UBASH3A: variants seen among roughly 807,000 people sequenced by gnomAD.
UBASH3A encodes the protein ubiquitin associated and SH3 domain containing A.
UBASH3A carries 63 observed loss-of-function variants against 73.5 expected under a neutral mutation model. The ratio of observed to expected loss-of-function variants is 0.86; its 90% confidence interval spans 0.70 to 1.06. UBASH3A has a LOEUF of 1.06. Ranked by LOEUF, UBASH3A falls within the 50% of genes least tolerant of loss-of-function variation. The pLI is 0.00. For synonymous variants in UBASH3A, 363 were observed against 351.1 expected (o/e 1.03, Z -0.38); for missense variants, 860 against 859.0 (o/e 1.00, Z -0.02).
intron 3 of UBASH3A, chr21:42,410,076 T>G (rs534894517): frequency 1.4e-6 from 1 of 702,250 alleles, no homozygotes; most frequent in African/African-American, 1.7e-5. Flanking sequence ...GATGGGTGAT[T>G]GTTGGCTACC....
rs1422200443 is a variant in UBASH3A, at chr21:42,432,299, AG to A, written c.1270+99del. 5 of 783,004 alleles carry A rather than the reference AG, an allele frequency of 6.4e-6. No homozygotes were observed. In the Admixed American group the frequency reaches 1.0e-4, roughly 16 times the overall value. The allele number at this position is 783,004 out of a possible 1,614,324, so 48.5% of individuals were successfully genotyped here. Reference sequence around the variant, plus strand: ...ACCTTACATGGCACCAGATCCCCTGAGGCACCATTCTGTAGAATGACCATGT... The same window carrying A: ...ACCTTACATGGCACCAGATCCCCTGAGCACCATTCTGTAGAATGACCATGT... On this transcript the variant is annotated intron_variant, in intron 9 of 14. Coordinates refer to ENST00000319294, the MANE Select transcript of UBASH3A (RefSeq NM_018961.4).
chr21:42,419,295 A>T (rs1457596410), intron 7 of UBASH3A, among the ~76,000 whole-genome samples: 1 of 152,200 alleles, frequency 6.6e-6, no homozygotes, highest in Non-Finnish European at 1.5e-5. Context: ...GAATCATCAG[A>T]TACTGGTTCT....
At chr21:42,445,295 C>T (rs1369260413) in intron 14 of UBASH3A, among the ~76,000 whole-genome samples, 1 of 152,268 alleles carries the variant, frequency 6.6e-6, no homozygotes, top group Non-Finnish European at 1.5e-5. Flanking sequence ...CTACTCAAGG[C>T]TGGACTCACC....
At chr21:42,430,817 G>C (rs2053515115) in intron 8 of UBASH3A, among the ~76,000 whole-genome samples, 1 of 152,234 alleles carries the variant, frequency 6.6e-6, no homozygotes, top group South Asian at 2.1e-4. Context: ...ATGTCACAGG[G>C]AGGTTGAGGC....
chr21:42,432,259 A>G, intron 9 of UBASH3A, 57 bp downstream of exon 9: 2 of 1,173,532 alleles, frequency 1.7e-6, no homozygotes, highest in East Asian at 2.4e-5. Context: ...AACCAATGAG[A>G]TCTCCTTCTT....
chr21:42,409,755 T>C, intron 3 of UBASH3A, 147 bp downstream of exon 3: 1 of 695,360 alleles, frequency 1.4e-6, no homozygotes, highest in Non-Finnish European at 2.4e-6. Context: ...TGAGCTGTCC[T>C]TTATTTTCCT....
intron 7 of UBASH3A, among the ~76,000 whole-genome samples, chr21:42,423,907 C>T (rs2053388603): frequency 6.6e-6 from 1 of 152,150 alleles, no homozygotes; most frequent in African/African-American, 2.4e-5. Context: ...AAGCTGTGAT[C>T]TGTGCTTATG....
In UBASH3A at chr21:42,409,162, A is replaced by G. The variant is rs2277801; in HGVS notation, c.168-260A>G. Among the ~76,000 whole-genome samples the G allele has an allele frequency of 3.9e-4, 59 of 152,076 alleles. 2 individuals carry two copies. In the East Asian group the frequency reaches 0.01, roughly 27 times the overall value. On this transcript the variant is annotated intron_variant, in intron 2 of 14. Transcript: ENST00000319294. ...CTGTCAACTTTCTTTCATTTTTTCT[A>G]CCTTTGACTTTGGAATCAGACTAAG...
intron 11 of UBASH3A, 134 bp downstream of exon 11, chr21:42,437,714 C>G: frequency 1.3e-6 from 1 of 758,716 alleles, no homozygotes; most frequent in Non-Finnish European, 2.2e-6. Flanking sequence ...CAGGCAAGTA[C>G]GAGCCAGCCC....
intron 11 of UBASH3A, among the ~76,000 whole-genome samples, chr21:42,440,641 A>G (rs988660814): frequency 2.0e-5 from 3 of 152,206 alleles, no homozygotes; most frequent in African/African-American, 7.2e-5. Flanking sequence ...CTGGCCGCCC[A>G]CTAGCAGGCC....
At chr21:42,446,250 A>C (rs994981303) in intron 14 of UBASH3A, among the ~76,000 whole-genome samples, 1 of 152,122 alleles carries the variant, frequency 6.6e-6, no homozygotes, top group Non-Finnish European at 1.5e-5. Flanking sequence ...CCCTACCCCA[A>C]AATAAGCTGG....
At chr21:42,434,298 C>T (rs544103320) in intron 9 of UBASH3A, among the ~76,000 whole-genome samples, 16 of 152,324 alleles carry the variant, frequency 1.1e-4, no homozygotes, top group Admixed American at 4.6e-4. Context: ...TCAAACTCCA[C>T]GTGAACCCTG....
Position 42,444,533 on chromosome 21 carries a change from G to C in UBASH3A, c.1739-1G>C. On this transcript the variant is annotated splice_acceptor_variant, in intron 13 of 14. Transcript: ENST00000319294. LOFTEE classifies it high-confidence loss of function. The stretch of plus-strand genomic sequence containing the variant: ...CCTGGAGGTGTTCTTGTTTTCCACA[G>C]CGGGTGTCATCCTAATTGTGAGTCA... 1 of 1,611,408 alleles carries C rather than the reference G, an allele frequency of 6.2e-7. No homozygotes were observed. Among genetic ancestry groups the C allele is most frequent in the Non-Finnish European group, 8.5e-7 (1 of 1,179,186 alleles).
At chr21:42,412,165 C>T (rs540230584) in intron 3 of UBASH3A, among the ~76,000 whole-genome samples, 28 of 152,266 alleles carry the variant, frequency 1.8e-4, no homozygotes, top group Middle Eastern at 3.4e-3. Flanking sequence ...CTCCCCAGGG[C>T]GGTAGGCAAC....
rs376791226 is a variant in UBASH3A at position 42,426,677 on chromosome 21, G to A, written c.1047-20G>A. ...ACATGGTCTCACTTCTGTTCAAGCC[G>A]TGCTTTCCTTCCCCTGCAGGATGTA... On this transcript the variant is annotated intron_variant, in intron 7 of 14. Coordinates refer to ENST00000319294, the MANE Select transcript of UBASH3A (RefSeq NM_018961.4). 25 of 1,612,674 alleles carry A rather than the reference G, an allele frequency of 1.6e-5. No individual in the cohort carries two copies. The highest frequency in any genetic ancestry group is 8.9e-5 in the East Asian group (4 of 44,858).
chr21:42,444,265 C>A (rs1310376261), intron 13 of UBASH3A, among the ~76,000 whole-genome samples: 1 of 152,214 alleles, frequency 6.6e-6, no homozygotes, highest in Non-Finnish European at 1.5e-5. Context: ...GGGGCCCAGG[C>A]AGCCAGCGAC....
intron 7 of UBASH3A, 140 bp downstream of exon 7, chr21:42,418,749 A>T (rs2053274685): frequency 2.7e-6 from 2 of 752,738 alleles, no homozygotes; most frequent in Non-Finnish European, 4.3e-6. Context: ...TTATTCCTGC[A>T]GGTATATAGT....
At chr21:42,427,664 G>A (rs569657435) in intron 8 of UBASH3A, among the ~76,000 whole-genome samples, 46 of 152,180 alleles carry the variant, frequency 3.0e-4, no homozygotes, top group Non-Finnish European at 2.6e-4. Context: ...CCATCAGATT[G>A]TTGGAAGGAT....
intron 14 of UBASH3A, among the ~76,000 whole-genome samples, chr21:42,445,851 C>T (rs538124676): frequency 1.3e-5 from 2 of 152,270 alleles, no homozygotes; most frequent in South Asian, 4.1e-4. Context: ...CAGCTCAACC[C>T]CCCTGGGCCA....
Sources: gnomAD v4.1 joint callset for allele counts (sites outside exome capture counted in the v4.1 genomes callset) on GRCh38, gnomAD v4.1.1 for gene constraint, MANE v1.5 for transcripts, NCBI Gene and HGNC (gene_info 2026-07-23, HGNC 2026-07-21) for gene names.